Variants in PSTK observed in about 807,000 individuals in gnomAD.
PSTK encodes phosphoseryl-tRNA kinase, also known as L-seryl-tRNA(Sec) kinase.
Under a neutral mutation model 38.6 loss-of-function variants are expected in PSTK, and 26 were observed. That is an observed-to-expected ratio of 0.67 (90% CI 0.49 to 0.94). The LOEUF is 0.94. Ranked by LOEUF, PSTK falls within the 40% of genes least tolerant of loss-of-function variation. The pLI is 0.00. For synonymous variants in PSTK, 181 were observed against 161.7 expected (o/e 1.12, Z -0.91); for missense variants, 445 against 436.3 (o/e 1.02, Z -0.18).
chr10:122,989,608 G>A (rs1418876033), intron 5 of PSTK, among the ~76,000 whole-genome samples: 1 of 152,128 alleles, frequency 6.6e-6, no homozygotes, highest in African/African-American at 2.4e-5. Flanking sequence ...ACATATCTGT[G>A]AGTATATAAA....
intron 5 of PSTK, chr10:122,987,523 T>C (rs1454258480): frequency 6.2e-7 from 1 of 1,611,186 alleles, no homozygotes; most frequent in South Asian, 1.1e-5. Flanking sequence ...GGGGGAAAGG[T>C]AGTCAGGGGC....
At chr10:122,985,422 G>A (rs565612549) in intron 3 of PSTK, 1 of 152,320 alleles carries the variant, frequency 6.6e-6, no homozygotes, top group African/African-American at 2.4e-5. Flanking sequence ...CTGTTTATCT[G>A]TCTCTATTAC....
At chr10:122,986,253 A>G in intron 3 of PSTK, 47 bp from the exon 4 acceptor site, 4 of 887,838 alleles carry the variant, frequency 4.5e-6, no homozygotes, top group Non-Finnish European at 5.2e-6. Context: ...AAAAAGTCAG[A>G]TGTTGGATAT....
intron 3 of PSTK, chr10:122,984,104 A>C (rs1383686833): frequency 2.6e-5 from 4 of 152,792 alleles, no homozygotes; most frequent in South Asian, 2.1e-4. Flanking sequence ...AAGTAGCCTC[A>C]TGTGGCCAGT....
At chr10:122,986,997 A>G in intron 5 of PSTK, 35 bp downstream of exon 5, 1 of 1,352,806 alleles carries the variant, frequency 7.4e-7, no homozygotes, top group Non-Finnish European at 1.1e-6. Context: ...AGTTGGTATG[A>G]TTGTGACTTT....
intron 5 of PSTK, chr10:122,987,225 C>T (rs1255868890): frequency 7.1e-7 from 1 of 1,415,652 alleles, no homozygotes; most frequent in Non-Finnish European, 9.6e-7. Flanking sequence ...GCAGAACATT[C>T]TAATGAGGAG....
At chr10:122,989,285 T>A (rs1849085430) in intron 5 of PSTK, among the ~76,000 whole-genome samples, 1 of 152,158 alleles carries the variant, frequency 6.6e-6, no homozygotes, top group Non-Finnish European at 1.5e-5. Context: ...GGAGTCTTGC[T>A]CTGTTGCCCA....
chr10:122,987,469 G>A, intron 5 of PSTK: 1 of 1,614,138 alleles, frequency 6.2e-7, no homozygotes, highest in Non-Finnish European at 8.5e-7. Flanking sequence ...TTGCAGTGTT[G>A]CAGAATCGAG....
chr10:122,985,541 A>G (rs569384888), intron 3 of PSTK: 2 of 152,366 alleles, frequency 1.3e-5, no homozygotes, highest in South Asian at 4.1e-4. Flanking sequence ...AAATCAATGA[A>G]TGAATTCTAC....
rs751049644 is a variant in PSTK, at chr10:122,987,543, G to A, written c.877+581G>A. On this transcript the variant is annotated intron_variant, in intron 5 of 5. Transcript: ENST00000406217. ...AAAGGTAGTCAGGGGCCAGGTGTAA[G>A]ATCAGCATGGAATTTGAGTAAAGTC... The A allele has an allele frequency of 9.4e-6, 15 of 1,601,738 alleles. No individual in the cohort carries two copies. The East Asian group carries it at 3.1e-4, about 33-fold the overall frequency.
chr10:122,987,502 G>A (rs1418511040), intron 5 of PSTK: 1 of 1,613,402 alleles, frequency 6.2e-7, no homozygotes. Context: ...AGCACGGGGT[G>A]AGGTAAGAAG....
chr10:122,988,788 G>A (rs1376452051), intron 5 of PSTK, among the ~76,000 whole-genome samples: 1 of 152,172 alleles, frequency 6.6e-6, no homozygotes, highest in African/African-American at 2.4e-5. Context: ...TTGGAAAACA[G>A]CTAGCAGTCC....
chr10:122,983,051 C>T, intron 2 of PSTK, 27 bp downstream of exon 2: 1 of 1,568,386 alleles, frequency 6.4e-7, no homozygotes, highest in Non-Finnish European at 8.7e-7. Flanking sequence ...TTTTCTTACA[C>T]ATGGAGATAC....
At chr10:122,986,789 C>G in intron 4 of PSTK, 80 bp from the exon 5 acceptor site, 1 of 904,730 alleles carries the variant, frequency 1.1e-6, no homozygotes, top group African/African-American at 1.7e-5. Context: ...TTAGTCCTTT[C>G]AAATACATGT....
intron 1 of PSTK, 100 bp from the exon 2 acceptor site, chr10:122,982,633 T>A: frequency 1.1e-6 from 1 of 940,032 alleles, no homozygotes; most frequent in Non-Finnish European, 1.6e-6. Context: ...GGTTCCGTAT[T>A]GTGAGCTGAA....
At chr10:122,983,534 G>T (rs948381854) in intron 3 of PSTK, 64 bp downstream of exon 3, 1 of 1,442,338 alleles carries the variant, frequency 6.9e-7, no homozygotes, top group Admixed American at 1.8e-5. Context: ...TCAGTGCTTT[G>T]TCTATGTTGG....
At chr10:122,983,225 T>C (rs755612408) in intron 2 of PSTK, 47 bp from the exon 3 acceptor site, 2 of 1,470,494 alleles carry the variant, frequency 1.4e-6, no homozygotes, top group Non-Finnish European at 1.8e-6. Context: ...TTTCATATTT[T>C]GGAAAAAGAG....
At chr10:122,990,086 GTTTA>G in intron 5 of PSTK, 84 bp from the exon 6 acceptor site, 3 of 884,560 alleles carry the variant, frequency 3.4e-6, no homozygotes, top group Admixed American at 3.4e-5. Context: ...TAACTGGTTT[GTTTA>G]ATCAAATTAA....
intron 1 of PSTK, 115 bp from the exon 2 acceptor site, chr10:122,982,618 C>T (rs1036862976): frequency 1.3e-6 from 1 of 790,282 alleles, no homozygotes; most frequent in South Asian, 1.7e-5. Context: ...TAGAGAACTA[C>T]AGATGGTTCC....
Sources: allele counts gnomAD v4.1 joint callset (sites outside exome capture counted in the v4.1 genomes callset), GRCh38; gene constraint gnomAD v4.1.1; transcripts MANE v1.5; gene names NCBI Gene and HGNC (gene_info 2026-07-23, HGNC 2026-07-21).